SPATA6: variants seen among roughly 807,000 people sequenced by gnomAD.
SPATA6 encodes the protein spermatogenesis associated 6.
SPATA6 carries 56 observed loss-of-function variants against 65.3 expected under a neutral mutation model. The ratio of observed to expected loss-of-function variants is 0.86; its 90% confidence interval spans 0.69 to 1.07. The LOEUF is 1.07. Among genes scored for constraint, SPATA6 ranks in the 50% least tolerant of loss-of-function variants. The probability of loss-of-function intolerance (pLI) is 0.00; values close to 1 mark genes in which losing one functional copy is unlikely to be tolerated. For synonymous variants in SPATA6, 199 were observed against 213.2 expected (o/e 0.93, Z 0.58); for missense variants, 590 against 594.8 (o/e 0.99, Z 0.08).
chr1:48,367,161 C>T (rs376207116), intron 9 of SPATA6, among the ~76,000 whole-genome samples: 12,768 of 152,110 alleles, frequency 0.084, 548 homozygotes, highest in Non-Finnish European at 0.093. Flanking sequence ...GTCTGAGAGA[C>T]AGTTTGTTAT....
intron 3 of SPATA6, among the ~76,000 whole-genome samples, chr1:48,426,788 G>A (rs1156623904): frequency 6.6e-6 from 1 of 151,836 alleles, no homozygotes; most frequent in Non-Finnish European, 1.5e-5. Flanking sequence ...TAGCAAAATA[G>A]AGCAAAATTA....
downstream of SPATA6, among the ~76,000 whole-genome samples, chr1:48,294,008 C>A (rs1644784820): frequency 6.6e-6 from 1 of 152,226 alleles, no homozygotes; most frequent in Admixed American, 6.5e-5. Context: ...ATTAACTTAA[C>A]AAAATGTTGG....
At chr1:48,458,051 T>C (rs898563551) in intron 1 of SPATA6, among the ~76,000 whole-genome samples, 8 of 150,978 alleles carry the variant, frequency 5.3e-5, no homozygotes, top group African/African-American at 2.0e-4. Context: ...TATTAATCCA[T>C]ACTAGATTAT....
At chr1:48,269,458 GT>G in the SPATA6 span, among the ~76,000 whole-genome samples, 1 of 152,096 alleles carries the variant, frequency 6.6e-6, no homozygotes, top group African/African-American at 2.4e-5. Context: ...AGAACCAACA[GT>G]ACTGCCATTA....
At chr1:48,373,307 CA>C (rs1647507494) in intron 9 of SPATA6, among the ~76,000 whole-genome samples, 1 of 152,214 alleles carries the variant, frequency 6.6e-6, no homozygotes, top group Non-Finnish European at 1.5e-5. Context: ...ATCTCTAGGG[CA>C]GGGGCAAAAT....
downstream of SPATA6, among the ~76,000 whole-genome samples, chr1:48,293,465 TG>T (rs1644781431): frequency 2.0e-5 from 3 of 152,162 alleles, no homozygotes; most frequent in South Asian, 6.2e-4. Context: ...TTTCCATTCC[TG>T]GATGTCTATC....
intron 1 of SPATA6, among the ~76,000 whole-genome samples, chr1:48,464,161 T>C (rs1570653060): frequency 6.6e-6 from 1 of 152,236 alleles, no homozygotes; most frequent in Non-Finnish European, 1.5e-5. Flanking sequence ...AATGGCCCAT[T>C]ATCAGCGATT....
the SPATA6 span, among the ~76,000 whole-genome samples, chr1:48,273,318 G>A: frequency 2.0e-5 from 3 of 151,532 alleles, no homozygotes; most frequent in Non-Finnish European, 4.4e-5. Flanking sequence ...TTTTTGTTTT[G>A]GCACTTGGAT....
intron 11 of SPATA6, among the ~76,000 whole-genome samples, chr1:48,312,700 T>A (rs1354760447): frequency 1.3e-5 from 2 of 152,140 alleles, no homozygotes; most frequent in Admixed American, 6.5e-5. Flanking sequence ...GGATGGAGAA[T>A]GAATTTGACG....
At chr1:48,315,135 C>G (rs943254387) in intron 11 of SPATA6, among the ~76,000 whole-genome samples, 3 of 152,184 alleles carry the variant, frequency 2.0e-5, no homozygotes, top group Non-Finnish European at 2.9e-5. Flanking sequence ...TGGTACCATT[C>G]CTTCTGAAAC....
chr1:48,436,604 G>C, intron 3 of SPATA6: 1 of 1,613,758 alleles, frequency 6.2e-7, no homozygotes, highest in African/African-American at 1.3e-5. Flanking sequence ...GTTAAGCATG[G>C]ACAGAGGCAT....
the SPATA6 span, among the ~76,000 whole-genome samples, chr1:48,277,028 T>C: frequency 1.3e-5 from 2 of 152,034 alleles, no homozygotes; most frequent in African/African-American, 4.8e-5. Flanking sequence ...GGTGCATATA[T>C]ATTTAAGATA....
At chr1:48,422,771 A>T (rs763414196) in intron 3 of SPATA6, among the ~76,000 whole-genome samples, 6 of 152,220 alleles carry the variant, frequency 3.9e-5, no homozygotes, top group Non-Finnish European at 7.3e-5. Context: ...TGAATGGTAC[A>T]GTTAATTTTG....
intron 11 of SPATA6, among the ~76,000 whole-genome samples, chr1:48,308,603 A>G (rs540416643): frequency 3.3e-5 from 5 of 152,052 alleles, no homozygotes; most frequent in Non-Finnish European, 7.4e-5. Context: ...TTCATCCTGA[A>G]GAGCTCCTTT....
At chr1:48,450,492 T>G (rs1306114613) in intron 3 of SPATA6, among the ~76,000 whole-genome samples, 3 of 152,156 alleles carry the variant, frequency 2.0e-5, no homozygotes, top group Admixed American at 1.3e-4. Flanking sequence ...GAGAGAAATG[T>G]GTATCTTCAT....
the SPATA6 span, among the ~76,000 whole-genome samples, chr1:48,277,030 T>C: frequency 6.6e-6 from 1 of 152,070 alleles, no homozygotes; most frequent in South Asian, 2.1e-4. Flanking sequence ...TGCATATATA[T>C]TTAAGATAGT....
the SPATA6 span, among the ~76,000 whole-genome samples, chr1:48,267,727 C>T: frequency 6.4e-5 from 9 of 141,560 alleles, no homozygotes; most frequent in Non-Finnish European, 1.2e-4. Context: ...GTCCAGCGCT[C>T]GAGTCTGTGA....
intron 12 of SPATA6, among the ~76,000 whole-genome samples, chr1:48,302,386 C>T (rs1202955189): frequency 6.6e-6 from 1 of 152,162 alleles, no homozygotes. Flanking sequence ...CACACCTTCC[C>T]ACCTTTTAGA....
chr1:48,457,563 C>G (rs1191598184), intron 1 of SPATA6, among the ~76,000 whole-genome samples: 1 of 152,200 alleles, frequency 6.6e-6, no homozygotes, highest in Non-Finnish European at 1.5e-5. Flanking sequence ...GATTTCTCAT[C>G]AGAAACATGA....
Sources: allele counts gnomAD v4.1 joint callset (sites outside exome capture counted in the v4.1 genomes callset), GRCh38; gene constraint gnomAD v4.1.1; transcripts MANE v1.5; gene names NCBI Gene and HGNC (gene_info 2026-07-23, HGNC 2026-07-21).